The following CNTN5 variants were observed in gnomAD, a reference collection of about 807,000 sequenced individuals.
CNTN5 encodes contactin 5.
CNTN5 carries 77 observed loss-of-function variants against 129.1 expected under a neutral mutation model. That is an observed-to-expected ratio of 0.60 (90% CI 0.50 to 0.72). The LOEUF (loss-of-function observed/expected upper bound fraction) is 0.72. CNTN5 is among the 30% of genes least tolerant of loss of function. The pLI is 0.00. For synonymous variants in CNTN5, 509 were observed against 465.6 expected (o/e 1.09, Z -1.20); for missense variants, 1,478 against 1,328.8 (o/e 1.11, Z -1.75).
chr11:99,138,922 T>C (rs750705930), intron 1 of CNTN5, among the ~76,000 whole-genome samples: 21 of 152,094 alleles, frequency 1.4e-4, no homozygotes, highest in Admixed American at 2.6e-4. Flanking sequence ...CAAAAATAGA[T>C]ATGGTAGCAA....
intron 1 of CNTN5, among the ~76,000 whole-genome samples, chr11:99,164,099 G>T (rs369006928): frequency 6.6e-6 from 1 of 152,072 alleles, no homozygotes; most frequent in Non-Finnish European, 1.5e-5. Context: ...TGGCCAAGGC[G>T]GGTGGATCAC....
At chr11:100,001,756 A>C (rs988940214) in intron 8 of CNTN5, among the ~76,000 whole-genome samples, 1 of 152,230 alleles carries the variant, frequency 6.6e-6, no homozygotes, top group African/African-American at 2.4e-5. Context: ...TTTTAGAACA[A>C]TTAGTAACTG....
At chr11:99,328,870 CAAAAAAAAA>C (rs10542347) in intron 2 of CNTN5, among the ~76,000 whole-genome samples, 82 of 87,652 alleles carry the variant, frequency 9.4e-4, no homozygotes, top group Non-Finnish European at 1.5e-3. Flanking sequence ...AACTCCATCT[CAAAAAAAAA>C]AAAAAAAAAG....
chr11:99,632,610 T>C (rs1331686603), intron 3 of CNTN5, among the ~76,000 whole-genome samples: 2 of 152,150 alleles, frequency 1.3e-5, no homozygotes, highest in Non-Finnish European at 2.9e-5. Flanking sequence ...GCTTTCAACT[T>C]CACAAAATTG....
chr11:99,520,330 C>CTATT (rs1476998373), intron 2 of CNTN5, among the ~76,000 whole-genome samples: 2 of 151,974 alleles, frequency 1.3e-5, no homozygotes, highest in Non-Finnish European at 2.9e-5. Context: ...TTTTAATGAA[C>CTATT]TATTATTTCT....
intron 2 of CNTN5, among the ~76,000 whole-genome samples, chr11:99,403,108 G>A (rs1199253013): frequency 4.1e-5 from 6 of 147,948 alleles, no homozygotes; most frequent in Admixed American, 6.8e-5. Context: ...CCGGGTTCAC[G>A]CCATTCTCCT....
intron 13 of CNTN5, among the ~76,000 whole-genome samples, chr11:100,086,897 G>C (rs778926962): frequency 6.6e-6 from 1 of 151,494 alleles, no homozygotes; most frequent in African/African-American, 2.4e-5. Flanking sequence ...AAAATTTATC[G>C]CTCTATGTAT....
chr11:99,747,136 C>A (rs116283212), intron 3 of CNTN5, among the ~76,000 whole-genome samples: 1,683 of 151,930 alleles, frequency 0.011, 28 homozygotes, highest in African/African-American at 0.039. Flanking sequence ...ATATTTTGCC[C>A]CCTTAGTTAA....
intron 6 of CNTN5, among the ~76,000 whole-genome samples, chr11:99,880,319 T>C (rs1205177043): frequency 6.6e-6 from 1 of 152,162 alleles, no homozygotes; most frequent in East Asian, 1.9e-4. Context: ...CAGTTGCTTA[T>C]GCAATAATAC....
intron 6 of CNTN5, among the ~76,000 whole-genome samples, chr11:99,900,727 A>C (rs1565655887): frequency 1.3e-5 from 2 of 152,090 alleles, no homozygotes; most frequent in Admixed American, 1.3e-4. Flanking sequence ...TTGCCACTAT[A>C]TGTTTTAAGT....
chr11:99,593,363 C>T (rs989187971), intron 3 of CNTN5, among the ~76,000 whole-genome samples: 5 of 152,130 alleles, frequency 3.3e-5, no homozygotes, highest in African/African-American at 1.2e-4. Context: ...GGAATGTAAA[C>T]TCTTGTCACT....
intron 3 of CNTN5, among the ~76,000 whole-genome samples, chr11:99,716,595 T>G (rs1955243590): frequency 6.6e-6 from 1 of 152,034 alleles, no homozygotes; most frequent in Non-Finnish European, 1.5e-5. Flanking sequence ...TCATCCTTCA[T>G]CAGTGTATTC....
intron 8 of CNTN5, among the ~76,000 whole-genome samples, chr11:99,957,648 GT>G (rs1950837829): frequency 6.7e-6 from 1 of 149,534 alleles, no homozygotes; most frequent in African/African-American, 2.4e-5. Flanking sequence ...TATATGATGT[GT>G]AGTTTGCTCT....
intron 3 of CNTN5, among the ~76,000 whole-genome samples, chr11:99,727,312 C>CAAAAAAA (rs397936738): frequency 0.016 from 398 of 24,256 alleles, 43 homozygotes; most frequent in African/African-American, 0.057. Flanking sequence ...GACTCCGTCT[C>CAAAAAAA]AAAAAAAAAA....
At chr11:99,889,323 TGTGTGTGTGTG>T (rs1565642705) in intron 6 of CNTN5, among the ~76,000 whole-genome samples, 39,314 of 144,366 alleles carry the variant, frequency 0.27, 6,648 homozygotes, top group Non-Finnish European at 0.36. Flanking sequence ...TGTGTGTGTG[TGTGTGTGTGTG>T]TGTGTGTGTG....
At chr11:99,750,964 C>T (rs1053735814) in intron 3 of CNTN5, among the ~76,000 whole-genome samples, 1 of 152,144 alleles carries the variant, frequency 6.6e-6, no homozygotes, top group Non-Finnish European at 1.5e-5. Context: ...GCAAAAGTCA[C>T]GTGGTCTTTC....
chr11:99,540,711 A>G (rs1485605134), intron 2 of CNTN5, among the ~76,000 whole-genome samples: 2 of 152,048 alleles, frequency 1.3e-5, no homozygotes, highest in African/African-American at 4.8e-5. Context: ...ATGATACTCA[A>G]CTGCTAAAGC....
chr11:99,805,323 C>T (rs371395880), intron 3 of CNTN5, among the ~76,000 whole-genome samples: 5 of 152,160 alleles, frequency 3.3e-5, no homozygotes, highest in Middle Eastern at 3.4e-3. Flanking sequence ...GTGGAACATC[C>T]GGGTGTTTCA....
intron 9 of CNTN5, among the ~76,000 whole-genome samples, chr11:100,034,122 C>T (rs969453565): frequency 1.3e-5 from 2 of 152,192 alleles, no homozygotes; most frequent in African/African-American, 2.4e-5. Flanking sequence ...CTGTACATCA[C>T]ATTTCTCAAA....
Sources: allele counts gnomAD v4.1 joint callset (sites outside exome capture counted in the v4.1 genomes callset), GRCh38; gene constraint gnomAD v4.1.1; transcripts MANE v1.5; gene names NCBI Gene and HGNC (gene_info 2026-07-23, HGNC 2026-07-21).